The following SNRPD1 variants were observed in gnomAD, a reference collection of about 807,000 sequenced individuals.
SNRPD1 encodes small nuclear ribonucleoprotein Sm D1.
SNRPD1 carries 1 observed loss-of-function variant against 14.4 expected under a neutral mutation model. The ratio of observed to expected loss-of-function variants is 0.07; its 90% CI spans 0.02 to 0.33. The LOEUF (loss-of-function observed/expected upper bound fraction) is 0.33, where lower values mean the gene tolerates loss of function less well. Ranked by LOEUF, SNRPD1 falls within the 10% of genes least tolerant of loss-of-function variation. The probability of loss-of-function intolerance (pLI) is 1.00; values close to 1 mark genes in which losing one functional copy is unlikely to be tolerated. For synonymous variants in SNRPD1, 42 were observed against 50.3 expected (o/e 0.83, Z 0.70); for missense variants, 52 against 146.4 (o/e 0.36, Z 3.33).
chr18:21,612,369 T>C lies in SNRPD1; in HGVS notation c.-61T>C. On this transcript the variant is annotated 5_prime_UTR_variant, in exon 1 of 4. Transcript: ENST00000300413. ...TTCCGGCCATTCATACTGCAGTCGG[T>C]CAGTGTTCGGTTGAAGGATTCTGTG... 2 of 1,398,092 alleles carry C rather than the reference T, an allele frequency of 1.4e-6. No individual in the cohort carries two copies. Among genetic ancestry groups the C allele is most frequent in the Non-Finnish European group, 1.9e-6 (2 of 1,033,202 alleles). The allele number at this position is 1,398,092 out of a possible 1,614,324, so 86.6% of individuals were successfully genotyped here.
intron 1 of SNRPD1, among the ~76,000 whole-genome samples, chr18:21,622,167 T>A (rs1445775402): frequency 6.6e-6 from 1 of 151,312 alleles, no homozygotes. Context: ...TGAGACGGAG[T>A]CTCGCTCTGT....
At chr18:21,626,959 T>G (rs1304809862) in intron 3 of SNRPD1, among the ~76,000 whole-genome samples, 2 of 149,656 alleles carry the variant, frequency 1.3e-5, no homozygotes, top group African/African-American at 4.9e-5. Context: ...TTTTTTTTTT[T>G]GAATAAACAT....
chr18:21,614,353 A>G (rs922019128), intron 1 of SNRPD1, among the ~76,000 whole-genome samples: 1 of 152,142 alleles, frequency 6.6e-6, no homozygotes. Flanking sequence ...TGTGTAATAC[A>G]CCTTGGATTC....
At chr18:21,617,257 ACCAGCCTGAC>A (rs995204465) in intron 1 of SNRPD1, among the ~76,000 whole-genome samples, 4 of 151,782 alleles carry the variant, frequency 2.6e-5, no homozygotes, top group Non-Finnish European at 4.4e-5. Flanking sequence ...GGAGTTCGAG[ACCAGCCTGAC>A]CAACATGGTG....
chr18:21,614,787 T>G (rs994567136), intron 1 of SNRPD1, among the ~76,000 whole-genome samples: 1 of 152,222 alleles, frequency 6.6e-6, no homozygotes, highest in Non-Finnish European at 1.5e-5. Flanking sequence ...CAAGTTTCAC[T>G]AAGTGGAAAG....
chr18:21,632,853 T>TTCTTC lies in SNRPD1; in HGVS notation c.*3719_*3720insCTCTT, dbSNP rs377258556. 15,381 of 152,100 alleles carry TTCTTC rather than the reference T, an allele frequency of 0.1. 976 individuals carry two copies. The highest frequency in any genetic ancestry group is 0.23 in the Middle Eastern group (69 of 300). The allele number at this position is 152,100 out of a possible 1,614,324, so 9.4% of individuals were successfully genotyped here. ...TTCTTTTCTTTTCTTTTCTTTTCTT[T>TTCTTC]TCTTTTTTTTTTTTTGAGACAGAGT... On this transcript the variant is annotated 3_prime_UTR_variant, in exon 4 of 4. Coordinates refer to ENST00000300413, the MANE Select transcript of SNRPD1 (RefSeq NM_006938.4).
rs1049562755 is a variant in SNRPD1, at chr18:21,632,701, T to A, written c.*3563T>A. On this transcript the variant is annotated 3_prime_UTR_variant, in exon 4 of 4. Transcript: ENST00000300413. ...ATTATAGTATGAATAGAAAACAGAC[T>A]AGAGTTTAACATGCTTCTCTTGACC... 1 of 151,848 alleles carries A rather than the reference T, an allele frequency of 6.6e-6. No homozygotes were observed. The highest frequency in any genetic ancestry group is 2.4e-5 in the African/African-American group (1 of 41,418). 9.4% of individuals were successfully genotyped at this position (151,848 alleles called of 1,614,324 possible).
chr18:21,623,715 T>TTGTG, intron 2 of SNRPD1, 33 bp from the exon 3 acceptor site: 1 of 1,490,842 alleles, frequency 6.7e-7, no homozygotes, highest in Non-Finnish European at 9.3e-7. Flanking sequence ...ACTTGTATCA[T>TTGTG]ACTAATAACT....
In SNRPD1 at chr18:21,612,329, C is replaced by T. The variant is rs1273189332; in HGVS notation, c.-101C>T. 1.1e-5 allele frequency: 9 copies of T among 848,034 alleles called. No homozygotes were observed. The highest frequency in any genetic ancestry group is 1.2e-5 in the Non-Finnish European group (7 of 564,548). 52.5% of individuals were successfully genotyped at this position (848,034 alleles called of 1,614,324 possible). On this transcript the variant is annotated 5_prime_UTR_variant, in exon 1 of 4. Coordinates refer to ENST00000300413, the MANE Select transcript of SNRPD1 (RefSeq NM_006938.4). ...TCCGCGCGCTCTTGACGTCCGGAGC[C>T]CCTGGAGTAGGCGCTTCCGGCCATT...
Position 21,612,727 on chromosome 18 carries a change from C to T in SNRPD1, c.14+284C>T, listed in dbSNP as rs569659617. 2.1e-4 allele frequency among the ~76,000 whole-genome samples: 32 copies of T among 152,392 alleles called. No individual in the cohort carries two copies. The South Asian group carries it at 5.8e-3, about 28-fold the overall frequency. On this transcript the variant is annotated intron_variant, in intron 1 of 3. Coordinates refer to ENST00000300413, the MANE Select transcript of SNRPD1 (RefSeq NM_006938.4). ...ATGCAGCGCCTCCTGGGACACATCT[C>T]CCTCTTACAGTTACTCATTTTCTTT... is the stretch of plus-strand genomic sequence containing the variant.
At chr18:21,615,515 G>T (rs2038950542) in intron 1 of SNRPD1, among the ~76,000 whole-genome samples, 1 of 152,246 alleles carries the variant, frequency 6.6e-6, no homozygotes, top group Admixed American at 6.5e-5. Context: ...CTACAAGGGA[G>T]GCTGAGGCAG....
intron 1 of SNRPD1, among the ~76,000 whole-genome samples, chr18:21,621,339 C>A (rs915534208): frequency 6.6e-6 from 1 of 152,054 alleles, no homozygotes; most frequent in African/African-American, 2.4e-5. Flanking sequence ...CGTCAACAGG[C>A]GGTAATAAAT....
intron 1 of SNRPD1, among the ~76,000 whole-genome samples, chr18:21,613,467 TGGA>T: frequency 6.6e-6 from 1 of 152,302 alleles, no homozygotes; most frequent in African/African-American, 2.4e-5. Flanking sequence ...CCTGCCTTGT[TGGA>T]GTTTTCTGGT....
At chr18:21,613,810 G>A (rs919732277) in intron 1 of SNRPD1, among the ~76,000 whole-genome samples, 4 of 135,566 alleles carry the variant, frequency 3.0e-5, no homozygotes, top group African/African-American at 1.1e-4. Flanking sequence ...AGCCGATATC[G>A]TGGCACTACG....
intron 2 of SNRPD1, among the ~76,000 whole-genome samples, chr18:21,623,313 G>A (rs902341808): frequency 1.3e-5 from 2 of 152,090 alleles, no homozygotes; most frequent in African/African-American, 2.4e-5. Context: ...GGTTGGTCTC[G>A]AACTCCTGAC....
chr18:21,617,143 T>G (rs2038963676), intron 1 of SNRPD1, among the ~76,000 whole-genome samples: 1 of 152,116 alleles, frequency 6.6e-6, no homozygotes, highest in South Asian at 2.1e-4. Flanking sequence ...TACACGTCTT[T>G]GGCACCTTTG....
rs2146264642 is a variant in SNRPD1 at position 21,631,565 on chromosome 18, T to G, written c.*2427T>G. ...CATTCTCCTGCCTCAGCCTCCCGAG[T>G]AGCTGGGACTACAGGTGCCTGCCAC... On this transcript the variant is annotated 3_prime_UTR_variant, in exon 4 of 4. Coordinates refer to ENST00000300413, the MANE Select transcript of SNRPD1 (RefSeq NM_006938.4). The G allele has an allele frequency of 6.7e-6, 1 of 149,838 alleles. No homozygotes were observed. The highest frequency in any genetic ancestry group is 2.5e-5 in the African/African-American group (1 of 40,540). The allele number at this position is 149,838 out of a possible 1,614,324, so 9.3% of individuals were successfully genotyped here.
intron 3 of SNRPD1, among the ~76,000 whole-genome samples, chr18:21,627,054 C>T (rs963834677): frequency 2.7e-5 from 4 of 150,512 alleles, no homozygotes; most frequent in South Asian, 4.2e-4. Flanking sequence ...TTTGGAAGGC[C>T]GAGGCAGGTG....
chr18:21,626,162 G>A (rs2146261694), intron 3 of SNRPD1, among the ~76,000 whole-genome samples: 1 of 151,956 alleles, frequency 6.6e-6, no homozygotes, highest in East Asian at 2.0e-4. Context: ...GGAGGCAGAG[G>A]CGGGCAGATC....
Sources: gnomAD v4.1 joint callset for allele counts (sites outside exome capture counted in the v4.1 genomes callset) on GRCh38, gnomAD v4.1.1 for gene constraint, MANE v1.5 for transcripts, NCBI Gene and HGNC (gene_info 2026-07-23, HGNC 2026-07-21) for gene names.